The following TANC2 variants were observed in gnomAD, a reference collection of about 807,000 sequenced individuals.
The protein encoded by TANC2 is protein TANC2.
TANC2 carries 26 observed loss-of-function variants against 210.5 expected under a neutral mutation model. That is an observed-to-expected ratio of 0.12 (90% CI 0.09 to 0.17). The LOEUF (loss-of-function observed/expected upper bound fraction) is 0.17, where lower values mean the gene tolerates loss of function less well. Ranked by LOEUF, TANC2 falls within the 10% of genes least tolerant of loss-of-function variation. The pLI is 1.00. For missense variants in TANC2, 2,129 were observed against 2,608.9 expected (o/e 0.82, Z 4.01); for synonymous variants, 931 against 967.1 (o/e 0.96, Z 0.69).
intron 9 of TANC2, among the ~76,000 whole-genome samples, chr17:63,302,234 T>G (rs2044742809): frequency 6.6e-6 from 1 of 152,242 alleles, no homozygotes; most frequent in Non-Finnish European, 1.5e-5. Context: ...CATGTGGCAC[T>G]GAGAAGAATG....
intron 7 of TANC2, among the ~76,000 whole-genome samples, chr17:63,225,683 A>G (rs1351306943): frequency 6.6e-6 from 1 of 152,184 alleles, no homozygotes; most frequent in Non-Finnish European, 1.5e-5. Flanking sequence ...TTTTTACCTC[A>G]TTCTTTACAT....
intron 19 of TANC2, among the ~76,000 whole-genome samples, chr17:63,403,736 G>T (rs1012430872): frequency 1.3e-5 from 2 of 152,138 alleles, no homozygotes; most frequent in African/African-American, 4.8e-5. Flanking sequence ...GATAGAACTG[G>T]TTTAAGAGTG....
chr17:62,983,125 T>C (rs1340329566), intron 1 of TANC2, among the ~76,000 whole-genome samples: 2 of 152,156 alleles, frequency 1.3e-5, no homozygotes, highest in Admixed American at 1.3e-4. Flanking sequence ...TCAATTTTGT[T>C]CATCAGTATT....
chr17:63,103,300 A>G (rs1054750046), intron 4 of TANC2, among the ~76,000 whole-genome samples: 6 of 152,188 alleles, frequency 3.9e-5, no homozygotes, highest in African/African-American at 1.4e-4. Context: ...TCATTTGCAG[A>G]TATAGGTCCA....
At chr17:63,218,730 T>C (rs756126740) in intron 7 of TANC2, among the ~76,000 whole-genome samples, 1 of 152,090 alleles carries the variant, frequency 6.6e-6, no homozygotes, top group Non-Finnish European at 1.5e-5. Context: ...ACCTCCTTTC[T>C]ACTAAAAATG....
chr17:63,234,724 T>C (rs1441850594), intron 7 of TANC2, among the ~76,000 whole-genome samples: 2 of 152,160 alleles, frequency 1.3e-5, no homozygotes, highest in Non-Finnish European at 2.9e-5. Flanking sequence ...GGAGGCAAGG[T>C]ACATCTACAA....
chr17:63,291,583 C>T (rs1000470408), intron 9 of TANC2, among the ~76,000 whole-genome samples: 2 of 151,912 alleles, frequency 1.3e-5, no homozygotes, highest in African/African-American at 2.4e-5. Flanking sequence ...ATGTCAGATA[C>T]AAATATTTGG....
At chr17:63,151,376 C>T in exon 5 of TANC2, 9 of 984,320 alleles carry the variant, frequency 9.1e-6, no homozygotes, top group Non-Finnish European at 1.1e-5. Context: ...ATGCATACTG[C>T]CCTGGTAAGC....
chr17:63,087,044 A>G (rs2036996034), intron 3 of TANC2, among the ~76,000 whole-genome samples: 1 of 152,176 alleles, frequency 6.6e-6, no homozygotes, highest in South Asian at 2.1e-4. Flanking sequence ...TGCTCTTCAC[A>G]ATAAATCTTG....
chr17:63,233,889 G>T (rs2042548499), intron 7 of TANC2, among the ~76,000 whole-genome samples: 1 of 152,160 alleles, frequency 6.6e-6, no homozygotes, highest in East Asian at 1.9e-4. Flanking sequence ...GTATTCTCTA[G>T]CCCTCAAGTC....
At chr17:63,327,984 C>T (rs181088888) in intron 11 of TANC2, among the ~76,000 whole-genome samples, 1 of 152,186 alleles carries the variant, frequency 6.6e-6, no homozygotes, top group Non-Finnish European at 1.5e-5. Flanking sequence ...TCCATGTGTT[C>T]TCATTGTTCA....
At chr17:63,189,973 C>T (rs574020814) in intron 5 of TANC2, among the ~76,000 whole-genome samples, 1 of 152,208 alleles carries the variant, frequency 6.6e-6, no homozygotes, top group East Asian at 1.9e-4. Flanking sequence ...TTGTGGTTAT[C>T]CAGTTGTCCC....
In TANC2 at chr17:63,407,931, G is replaced by A. The variant is rs75930222; in HGVS notation, c.3589+1654G>A. On this transcript the variant is annotated intron_variant, in intron 21 of 27. Transcript: ENST00000689528. ...GTCTAGTAAAATGTAAGGGGACTAC[G>A]GAAAATAAAATTGGAAAGGTATGTG... 2.5e-4 allele frequency among the ~76,000 whole-genome samples: 38 copies of A among 152,242 alleles called. No homozygotes were observed. In the East Asian group the frequency reaches 3.9e-3, roughly 15 times the overall value.
chr17:63,143,265 C>T (rs750546220), intron 4 of TANC2, among the ~76,000 whole-genome samples: 4 of 152,192 alleles, frequency 2.6e-5, no homozygotes, highest in Non-Finnish European at 5.9e-5. Flanking sequence ...CCAATACTCT[C>T]AGATGATTAT....
intron 1 of TANC2, among the ~76,000 whole-genome samples, chr17:62,972,369 G>A (rs912912902): frequency 7.2e-5 from 11 of 152,066 alleles, no homozygotes; most frequent in East Asian, 1.9e-4. Flanking sequence ...TTTCTTCCCC[G>A]TAATATCAAT....
At chr17:63,395,808 G>C in exon 18 of TANC2, 1 of 1,613,546 alleles carries the variant, frequency 6.2e-7, no homozygotes, top group Non-Finnish European at 8.5e-7. Context: ...GTCATCTGGA[G>C]GTTGTCAAGT....
At chr17:63,057,688 GT>G (rs2035854584) in intron 2 of TANC2, among the ~76,000 whole-genome samples, 1 of 152,080 alleles carries the variant, frequency 6.6e-6, no homozygotes, top group Non-Finnish European at 1.5e-5. Flanking sequence ...GTGGTATTTG[GT>G]TTTCTGTTCC....
At chr17:63,326,628 G>GCTTGAGC (rs1461979001) in intron 11 of TANC2, among the ~76,000 whole-genome samples, 1 of 152,044 alleles carries the variant, frequency 6.6e-6, no homozygotes, top group Non-Finnish European at 1.5e-5. Flanking sequence ...TACTCAGGGT[G>GCTTGAGC]CTGAGGTGGA....
At chr17:62,967,957 A>G (rs1295363800) in intron 1 of TANC2, among the ~76,000 whole-genome samples, 1 of 152,342 alleles carries the variant, frequency 6.6e-6, no homozygotes, top group Non-Finnish European at 1.5e-5. Context: ...ATAAAACGTT[A>G]AACATTCTCT....
Sources: allele counts gnomAD v4.1 joint callset (sites outside exome capture counted in the v4.1 genomes callset), GRCh38; gene constraint gnomAD v4.1.1; transcripts MANE v1.5; gene names NCBI Gene and HGNC (gene_info 2026-07-23, HGNC 2026-07-21).